XKR6: variants seen among roughly 807,000 people sequenced by gnomAD.
XKR6 encodes the protein XK related 6.
Under a neutral mutation model 56.7 loss-of-function variants are expected in XKR6, and 22 were observed. The observed-to-expected ratio is 0.39, with a 90% CI of 0.28 to 0.55. The LOEUF (loss-of-function observed/expected upper bound fraction) is 0.55. XKR6 is among the 20% of genes least tolerant of loss of function. The probability of loss-of-function intolerance (pLI) is 0.66; values close to 1 mark genes in which losing one functional copy is unlikely to be tolerated. For missense variants in XKR6, 852 were observed against 889.0 expected (o/e 0.96, Z 0.53); for synonymous variants, 524 against 387.8 (o/e 1.35, Z -4.13).
intron 1 of XKR6, among the ~76,000 whole-genome samples, chr8:11,142,244 G>C (rs1321834334): frequency 6.6e-6 from 1 of 152,086 alleles, no homozygotes; most frequent in African/African-American, 2.4e-5. Context: ...ATAAAACTAG[G>C]ACTTCTTTGA....
chr8:11,109,088 T>C (rs1798793484), intron 1 of XKR6: 1 of 152,192 alleles, frequency 6.6e-6, no homozygotes, highest in Non-Finnish European at 1.5e-5. Context: ...ACCAAGAAGG[T>C]GCAGATTCCC....
chr8:11,156,168 T>G (rs1401812330), intron 1 of XKR6, among the ~76,000 whole-genome samples: 1 of 152,192 alleles, frequency 6.6e-6, no homozygotes, highest in Non-Finnish European at 1.5e-5. Context: ...CTCTTCACCT[T>G]TTACTGTGGC....
At chr8:11,030,113 T>A (rs7015045) in intron 1 of XKR6, among the ~76,000 whole-genome samples, 40,195 of 152,108 alleles carry the variant, frequency 0.26, 11,700 homozygotes, top group African/African-American at 0.73. Context: ...GCTGCAGCTG[T>A]CCCAGCTCAC....
At chr8:11,178,303 A>G (rs1315017971) in intron 1 of XKR6, among the ~76,000 whole-genome samples, 2 of 152,048 alleles carry the variant, frequency 1.3e-5, no homozygotes. Context: ...AATAATAGTA[A>G]GAAACTTTAA....
At chr8:11,164,395 T>C (rs1160324511) in intron 1 of XKR6, among the ~76,000 whole-genome samples, 1 of 152,230 alleles carries the variant, frequency 6.6e-6, no homozygotes, top group Non-Finnish European at 1.5e-5. Context: ...TCATTAGCCC[T>C]TTCTCCTCAG....
At chr8:10,992,501 T>C (rs1314145065) in intron 1 of XKR6, among the ~76,000 whole-genome samples, 1 of 152,134 alleles carries the variant, frequency 6.6e-6, no homozygotes, top group Non-Finnish European at 1.5e-5. Flanking sequence ...TCTCTATTCC[T>C]TCAGACAGTG....
intron 1 of XKR6, among the ~76,000 whole-genome samples, chr8:11,190,191 GAAAGAAAGAAAGA>G (rs760714992): frequency 0.11 from 7,866 of 72,176 alleles, 282 homozygotes; most frequent in Non-Finnish European, 0.13. Context: ...AGAAAAGAAA[GAAAGAAAGAAAGA>G]AAAGAAAGAA....
intron 1 of XKR6, among the ~76,000 whole-genome samples, chr8:11,135,889 A>G (rs1478930619): frequency 6.6e-6 from 1 of 152,136 alleles, no homozygotes; most frequent in Non-Finnish European, 1.5e-5. Flanking sequence ...AAAGCAGAAA[A>G]TATTTCTCCC....
intron 1 of XKR6, among the ~76,000 whole-genome samples, chr8:11,081,144 C>T (rs879818564): frequency 1.3e-5 from 2 of 152,152 alleles, no homozygotes; most frequent in Admixed American, 6.5e-5. Flanking sequence ...TTGCTAAAGC[C>T]GGATTCTGAG....
chr8:11,093,049 T>TCTTG (rs1375242357), intron 1 of XKR6, among the ~76,000 whole-genome samples: 1 of 151,910 alleles, frequency 6.6e-6, no homozygotes, highest in Non-Finnish European at 1.5e-5. Context: ...TCTTTCTCTT[T>TCTTG]CTTTTTCTTT....
At chr8:11,195,652 CTT>C (rs767554251) in intron 1 of XKR6, among the ~76,000 whole-genome samples, 18 of 142,642 alleles carry the variant, frequency 1.3e-4, no homozygotes, top group Admixed American at 2.8e-4. Context: ...CACTGAGTTT[CTT>C]TTTTTTTTTT....
chr8:11,071,270 G>T (rs1000945582), intron 1 of XKR6, among the ~76,000 whole-genome samples: 15 of 152,058 alleles, frequency 9.9e-5, no homozygotes, highest in African/African-American at 3.6e-4. Flanking sequence ...ATGAAGTTTT[G>T]CTATTGTTGT....
chr8:11,166,150 T>A (rs1362362608), intron 1 of XKR6, among the ~76,000 whole-genome samples: 1 of 152,008 alleles, frequency 6.6e-6, no homozygotes, highest in African/African-American at 2.4e-5. Context: ...AGAGACGGGG[T>A]TTTGCCATGT....
At chr8:11,051,789 A>G (rs898741801) in intron 1 of XKR6, among the ~76,000 whole-genome samples, 1 of 152,240 alleles carries the variant, frequency 6.6e-6, no homozygotes, top group Non-Finnish European at 1.5e-5. Flanking sequence ...AAGCCCTCCA[A>G]TAGCTTAGCC....
chr8:11,078,987 G>A (rs1210822096), intron 1 of XKR6, among the ~76,000 whole-genome samples: 3 of 152,344 alleles, frequency 2.0e-5, no homozygotes, highest in Non-Finnish European at 4.4e-5. Flanking sequence ...GGACCACTCC[G>A]GGGCGAGGAA....
intron 2 of XKR6, among the ~76,000 whole-genome samples, chr8:10,912,564 G>GTA (rs1259448443): frequency 7.0e-6 from 1 of 143,266 alleles, no homozygotes; most frequent in African/African-American, 2.6e-5. Context: ...GTGTGTGTAT[G>GTA]TATATATATG....
chr8:11,131,879 C>A (rs1800120042), intron 1 of XKR6, among the ~76,000 whole-genome samples: 1 of 152,148 alleles, frequency 6.6e-6, no homozygotes, highest in Non-Finnish European at 1.5e-5. Context: ...TGTAGGTGTG[C>A]AGTAGACTAT....
intron 1 of XKR6, among the ~76,000 whole-genome samples, chr8:11,117,475 G>A (rs564733076): frequency 7.2e-5 from 11 of 152,236 alleles, no homozygotes; most frequent in East Asian, 3.9e-4. Flanking sequence ...TCTGAATGAC[G>A]GCGTGGAGAC....
intron 1 of XKR6, among the ~76,000 whole-genome samples, chr8:10,993,483 G>A (rs1798039610): frequency 1.3e-5 from 2 of 152,256 alleles, no homozygotes; most frequent in South Asian, 4.1e-4. Context: ...CAGCCAGGTG[G>A]CAGGCTGAAC....
Sources: allele counts gnomAD v4.1 joint callset (sites outside exome capture counted in the v4.1 genomes callset), GRCh38; gene constraint gnomAD v4.1.1; transcripts MANE v1.5; gene names NCBI Gene and HGNC (gene_info 2026-07-23, HGNC 2026-07-21).